The following CACNA2D3 variants were observed in gnomAD, a reference collection of about 807,000 sequenced individuals.
The protein encoded by CACNA2D3 is calcium voltage-gated channel auxiliary subunit alpha2delta 3.
Under a neutral mutation model 160.6 loss-of-function variants are expected in CACNA2D3, and 60 were observed. The ratio of observed to expected loss-of-function variants is 0.37; its 90% confidence interval spans 0.30 to 0.46. The LOEUF is 0.46. Among genes scored for constraint, CACNA2D3 ranks in the 20% least tolerant of loss-of-function variants. CACNA2D3 has a pLI of 1.00. For synonymous variants in CACNA2D3, 558 were observed against 492.9 expected (o/e 1.13, Z -1.75); for missense variants, 1,205 against 1,365.0 (o/e 0.88, Z 1.85).
In CACNA2D3 at chr3:54,150,428, C is replaced by T. The variant is rs544526519; in HGVS notation, c.204+26834C>T. ...AAACCCAAGTGGCTCTCCTCAGCCCCCTTCCCTCTCTGGAGAAGGGCAGGG... is the reference window on the plus strand; with the variant it reads ...AAACCCAAGTGGCTCTCCTCAGCCCTCTTCCCTCTCTGGAGAAGGGCAGGG... On this transcript the variant is annotated intron_variant, in intron 2 of 37. Transcript: ENST00000474759. 4.6e-5 allele frequency among the ~76,000 whole-genome samples: 7 copies of T among 152,276 alleles called. No homozygotes were observed. The East Asian group carries it at 9.7e-4, about 21-fold the overall frequency.
rs1491160047 is a variant in CACNA2D3 at position 54,822,790 on chromosome 3, C to CTTTCTTTCTTTCCTTTCTTT, written c.1398+5920_1398+5921insTTTCTTTCTTTCCTTTCTTT. Among the ~76,000 whole-genome samples the CTTTCTTTCTTTCCTTTCTTT allele has an allele frequency of 1.3e-4, 9 of 71,938 alleles. No homozygotes were observed. In the East Asian group the frequency reaches 1.9e-3, roughly 15 times the overall value. The allele number at this position is 71,938 out of a possible 152,430, so 47.2% of individuals were successfully genotyped here. On this transcript the variant is annotated intron_variant, in intron 14 of 37. Transcript: ENST00000474759. The stretch of plus-strand genomic sequence containing the variant: ...TCTTTCTTTCTTTCTTTCTTTCTTT[C>CTTTCTTTCTTTCCTTTCTTT]CTTTCTTTCTTTCTTTCTTTCTTTC...
intron 13 of CACNA2D3, among the ~76,000 whole-genome samples, chr3:54,794,554 T>A (rs1702828156): frequency 6.6e-6 from 1 of 152,134 alleles, no homozygotes; most frequent in Admixed American, 6.6e-5. Flanking sequence ...AAGAATTTCC[T>A]TTAATTTTTC....
chr3:54,169,151 A>G (rs193054261), intron 2 of CACNA2D3, among the ~76,000 whole-genome samples: 140 of 152,332 alleles, frequency 9.2e-4, no homozygotes, highest in African/African-American at 3.2e-3. Flanking sequence ...TTAAAAGCAC[A>G]AAACTGAAAA....
intron 31 of CACNA2D3, among the ~76,000 whole-genome samples, chr3:54,996,521 T>C (rs1702862767): frequency 6.6e-6 from 1 of 152,198 alleles, no homozygotes; most frequent in South Asian, 2.1e-4. Flanking sequence ...GGACAGGGAC[T>C]GTCTTGATGC....
Position 54,726,283 on chromosome 3 carries a change from T to A in CACNA2D3, c.1168-26316T>A, listed in dbSNP as rs570636008. On this transcript the variant is annotated intron_variant, in intron 11 of 37. Transcript: ENST00000474759. ...GAGAGGACACAAACAAATGGAAAAA[T>A]ATTCCATGCTCATGGTTAGGAAGAA... Among the ~76,000 whole-genome samples, 32 of 151,956 alleles carry A rather than the reference T, an allele frequency of 2.1e-4. No individual in the cohort carries two copies. In the Middle Eastern group the frequency reaches 0.01, roughly 48 times the overall value.
chr3:54,667,281 CAA>C (rs1450523732), intron 11 of CACNA2D3, among the ~76,000 whole-genome samples: 1 of 151,958 alleles, frequency 6.6e-6, no homozygotes, highest in Non-Finnish European at 1.5e-5. Flanking sequence ...TAGAAGAAAA[CAA>C]AGAGTGAACT....
chr3:54,321,400 G>A (rs1024823407), intron 3 of CACNA2D3, among the ~76,000 whole-genome samples: 3 of 152,056 alleles, frequency 2.0e-5, no homozygotes, highest in African/African-American at 7.2e-5. Context: ...TCCCACCTCA[G>A]TCTCCTGAGT....
Position 55,073,629 on chromosome 3 carries a change from G to A in CACNA2D3, c.3100+72G>A, listed in dbSNP as rs528122585. 2.1e-5 allele frequency: 28 copies of A among 1,341,290 alleles called. No individual in the cohort carries two copies. The African/African-American group carries it at 2.6e-4, about 12-fold the overall frequency. The allele number at this position is 1,341,290 out of a possible 1,614,324, so 83.1% of individuals were successfully genotyped here. On this transcript the variant is annotated intron_variant, in intron 36 of 37. Coordinates refer to ENST00000474759, the MANE Select transcript of CACNA2D3 (RefSeq NM_018398.3). Reference sequence around the variant, plus strand: ...GGGGTATCAGTGGTAAGGAAACCTGGGGGAGAAATATTAGAGAAGGAAAAT... The same window carrying A: ...GGGGTATCAGTGGTAAGGAAACCTGAGGGAGAAATATTAGAGAAGGAAAAT...
chr3:54,757,909 G>A (rs73074116), intron 12 of CACNA2D3, among the ~76,000 whole-genome samples: 4,581 of 152,322 alleles, frequency 0.03, 108 homozygotes, highest in Non-Finnish European at 0.047. Context: ...TTCATCAGAT[G>A]TAAGGCTGCT....
intron 11 of CACNA2D3, among the ~76,000 whole-genome samples, chr3:54,725,857 C>G (rs1415686386): frequency 6.6e-6 from 1 of 152,132 alleles, no homozygotes; most frequent in Non-Finnish European, 1.5e-5. Context: ...CAGCACAAGA[C>G]AAGGGTGCCT....
intron 2 of CACNA2D3, among the ~76,000 whole-genome samples, chr3:54,182,264 A>T (rs1700798428): frequency 6.6e-6 from 1 of 152,226 alleles, no homozygotes; most frequent in Non-Finnish European, 1.5e-5. Flanking sequence ...TTTTTGCTTT[A>T]AATGAGATTT....
At chr3:54,231,872 G>A (rs899373139) in intron 2 of CACNA2D3, among the ~76,000 whole-genome samples, 2 of 152,106 alleles carry the variant, frequency 1.3e-5, no homozygotes, top group South Asian at 2.1e-4. Flanking sequence ...GTGGTCCTGG[G>A]GCAGGGTGGG....
At chr3:55,014,876 A>G (rs1298785921) in intron 34 of CACNA2D3, among the ~76,000 whole-genome samples, 2 of 152,216 alleles carry the variant, frequency 1.3e-5, no homozygotes, top group Non-Finnish European at 2.9e-5. Context: ...AGTTCTAGCC[A>G]TGTTATTTAA....
intron 35 of CACNA2D3, among the ~76,000 whole-genome samples, chr3:55,056,306 C>G (rs1452175576): frequency 1.3e-5 from 2 of 152,060 alleles, no homozygotes; most frequent in Non-Finnish European, 2.9e-5. Context: ...TGAAAGATAA[C>G]AAGTGTTGAG....
chr3:54,771,050 C>T (rs2107112177), intron 13 of CACNA2D3, among the ~76,000 whole-genome samples: 1 of 152,200 alleles, frequency 6.6e-6, no homozygotes, highest in East Asian at 1.9e-4. Context: ...TTGTTTGTGT[C>T]ATCCTTGGTT....
chr3:54,452,164 C>T (rs1226065893), intron 4 of CACNA2D3, among the ~76,000 whole-genome samples: 10 of 152,196 alleles, frequency 6.6e-5, no homozygotes, highest in Non-Finnish European at 1.3e-4. Context: ...GTTTAATGGA[C>T]CTCCAGTTCA....
At position 54,229,166 on chromosome 3, in the gene CACNA2D3, A is replaced by G. The variant is rs1215061858; in HGVS notation, c.205-91276A>G. The stretch of plus-strand genomic sequence containing the variant: ...AAGGCCTCAAGGGCTCCTGGTTTCT[A>G]TGAATTTGAAAGTATTTCAGCTAAT... On this transcript the variant is annotated intron_variant, in intron 2 of 37. Transcript: ENST00000474759. Among the ~76,000 whole-genome samples, 8 of 151,452 alleles carry G rather than the reference A, an allele frequency of 5.3e-5. No individual in the cohort carries two copies. In the South Asian group the frequency reaches 6.2e-4, roughly 12 times the overall value.
chr3:54,264,303 G>T lies in CACNA2D3; in HGVS notation c.205-56139G>T, dbSNP rs530813099. Reference sequence around the variant, plus strand: ...GTGTTGAAAAACGAAGTCATGGAAAGGTTCTCTTATATTGAATGTGTCTTG... The same window carrying T: ...GTGTTGAAAAACGAAGTCATGGAAATGTTCTCTTATATTGAATGTGTCTTG... On this transcript the variant is annotated intron_variant, in intron 2 of 37. Transcript: ENST00000474759. Among the ~76,000 whole-genome samples the T allele has an allele frequency of 4.2e-4, 64 of 152,264 alleles. 1 individual carries two copies. Among genetic ancestry groups the T allele is most frequent in the African/African-American group, 1.5e-3 (64 of 41,554 alleles).
chr3:54,848,135 A>G (rs1698975346), intron 17 of CACNA2D3, among the ~76,000 whole-genome samples: 1 of 152,240 alleles, frequency 6.6e-6, no homozygotes, highest in Non-Finnish European at 1.5e-5. Context: ...CTTTGCCAAC[A>G]AACATTTGCC....
Sources: allele counts gnomAD v4.1 joint callset (sites outside exome capture counted in the v4.1 genomes callset), GRCh38; gene constraint gnomAD v4.1.1; transcripts MANE v1.5; gene names NCBI Gene and HGNC (gene_info 2026-07-23, HGNC 2026-07-21).